The following HDAC5 variants were observed in gnomAD, a reference collection of about 807,000 sequenced individuals.
HDAC5 encodes the protein antigen NY-CO-9.
Under a neutral mutation model 133.3 loss-of-function variants are expected in HDAC5, and 25 were observed. That is an observed-to-expected ratio of 0.19 (90% CI 0.14 to 0.26). The LOEUF is 0.26. Ranked by LOEUF, HDAC5 falls within the 10% of genes least tolerant of loss-of-function variation. The pLI is 1.00. For synonymous variants in HDAC5, 589 were observed against 610.8 expected, an observed-to-expected ratio of 0.96 and a Z score of 0.53; for missense variants, 1,041 against 1,460.5, an observed-to-expected ratio of 0.71 and a Z score of 4.68.
At chr17:44,088,851 C>T (rs1000268135) in intron 11 of HDAC5, among the ~76,000 whole-genome samples, 2 of 152,100 alleles carry the variant, frequency 1.3e-5, no homozygotes, top group South Asian at 2.1e-4. Flanking sequence ...CTTTTCCCTT[C>T]GATTTCCTTA....
chr17:44,098,229 G>A (rs1356356817), intron 3 of HDAC5, among the ~76,000 whole-genome samples: 2 of 152,246 alleles, frequency 1.3e-5, no homozygotes, highest in African/African-American at 4.8e-5. Flanking sequence ...ACTCTCTCAA[G>A]GATCTGTGCC....
intron 9 of HDAC5, 143 bp from the exon 10 acceptor site, chr17:44,091,974 C>G: frequency 9.4e-7 from 1 of 1,064,122 alleles, no homozygotes; most frequent in Non-Finnish European, 1.3e-6. Context: ...ACTGAGCCAT[C>G]AGGGCTCTTC....
chr17:44,088,923 C>T (rs776609095), intron 11 of HDAC5, among the ~76,000 whole-genome samples: 4 of 152,054 alleles, frequency 2.6e-5, no homozygotes, highest in African/African-American at 4.8e-5. Context: ...ACTTTTCTCC[C>T]TAAGTGCAAC....
chr17:44,093,383 CCTGCCGCTGCTGCTCCCG>C lies in HDAC5; in HGVS notation c.439_456del (p.Arg147_Gln152del), dbSNP rs776404235. 1.4e-5 allele frequency: 22 copies of C among 1,586,664 alleles called. No homozygotes were observed. The highest frequency in any genetic ancestry group is 2.3e-5 in the East Asian group (1 of 44,078). On this transcript the variant is annotated inframe_deletion, in exon 5 of 27. Transcript: ENST00000682912. The stretch of plus-strand genomic sequence containing the variant: ...TCCAGCCGCTGCTTCTCCAGCTCTT[CCTGCCGCTGCTGCTCCCG>C]CTGCCGCTGCTGCTCCAGCTCCTGC...
rs915579710 is a variant in HDAC5, at chr17:44,122,743, C to A, written c.-190+761G>T. Among the ~76,000 whole-genome samples, 17 of 152,080 alleles carry A rather than the reference C, an allele frequency of 1.1e-4. 1 individual carries two copies. Among genetic ancestry groups the A allele is most frequent in the Admixed American group, 1.1e-3 (17 of 15,266 alleles). On this transcript the variant is annotated intron_variant, in intron 1 of 26. Coordinates refer to ENST00000682912, the MANE Select transcript of HDAC5 (RefSeq NM_005474.5). The stretch of plus-strand genomic sequence containing the variant: ...GGTGGGGTGGAGAAGCTGACTCCCC[C>A]CAAGTTAATAAGGCACTGGTAGTGC...
At chr17:44,097,081 A>G (rs118184725) in intron 3 of HDAC5, among the ~76,000 whole-genome samples, 4,267 of 152,302 alleles carry the variant, frequency 0.028, 112 homozygotes, top group East Asian at 0.092. Context: ...AGGGTGGGCT[A>G]AGAGAGGCCC....
At chr17:44,102,095 G>T (rs941686096) in intron 3 of HDAC5, among the ~76,000 whole-genome samples, 4 of 152,190 alleles carry the variant, frequency 2.6e-5, no homozygotes, top group African/African-American at 9.7e-5. Flanking sequence ...AACTGTGGAC[G>T]CACACTGACA....
chr17:44,080,427 T>C lies in HDAC5; in HGVS notation c.2799A>G (p.Gly933=). 6.2e-7 allele frequency: 1 copy of C among 1,614,062 alleles called. No individual in the cohort carries two copies. Among genetic ancestry groups the C allele is most frequent in the East Asian group, 2.2e-5 (1 of 44,884 alleles). ...TGAAGGCTGTAAGGTACTCCACGTC[T>C]CCAATGGGGGGGTCCACACCTCCTG... ...AWTGGVDPPI[G]DVEYLTAFRT... Residue 933 remains glycine, a synonymous_variant, in exon 22 of 27, where the codon GGA becomes GGG. Coordinates refer to ENST00000682912, the MANE Select transcript of HDAC5 (RefSeq NM_005474.5).
chr17:44,084,751 A>T (rs1327062245), intron 15 of HDAC5, 76 bp from the exon 16 acceptor site: 2 of 1,549,866 alleles, frequency 1.3e-6, no homozygotes, highest in Non-Finnish European at 8.8e-7. Context: ...TAGCCAGGGC[A>T]CACAGAGCCA....
At chr17:44,107,004 C>G (rs774369961) in intron 3 of HDAC5, among the ~76,000 whole-genome samples, 3 of 152,014 alleles carry the variant, frequency 2.0e-5, no homozygotes, top group Non-Finnish European at 4.4e-5. Flanking sequence ...GGCTGGAATG[C>G]AGTGATCATG....
At position 44,091,969 on chromosome 17, in the gene HDAC5, G is replaced by A; in HGVS notation, c.1033-138C>T. 6 of 1,081,796 alleles carry A rather than the reference G, an allele frequency of 5.5e-6. No individual in the cohort carries two copies. In the South Asian group the frequency reaches 9.6e-5, roughly 17 times the overall value. The allele number at this position is 1,081,796 out of a possible 1,614,324, so 67.0% of individuals were successfully genotyped here. On this transcript the variant is annotated intron_variant, in intron 9 of 26. Transcript: ENST00000682912. ...CTGAGCTCCCACTGAGGGAGACTGA[G>A]CCATCAGGGCTCTTCATAGTCCTGT... is the stretch of plus-strand genomic sequence containing the variant.
intron 3 of HDAC5, among the ~76,000 whole-genome samples, chr17:44,101,143 T>C (rs1268938113): frequency 1.4e-5 from 2 of 146,630 alleles, no homozygotes; most frequent in Non-Finnish European, 3.0e-5. Context: ...CAGTGGCTCA[T>C]GCCTGTAATC....
intron 2 of HDAC5, chr17:44,111,758 C>G (rs1377765340): frequency 2.1e-6 from 1 of 469,632 alleles, no homozygotes; most frequent in Non-Finnish European, 4.2e-6. Flanking sequence ...TAAATGGCAG[C>G]TCCCTCCCGC....
At position 44,093,103 on chromosome 17, in the gene HDAC5, G is replaced by C; in HGVS notation, c.630C>G (p.His210Gln). ...PGGLNHSLPQ[H>Q]PKCWGAHHAS... Reference sequence around the variant, plus strand: ...CCCAGGGCCATTACCAGCATTTGGGGTGCTGTGGGAGGGAATGGTTGAGGC... The same window carrying C: ...CCCAGGGCCATTACCAGCATTTGGGCTGCTGTGGGAGGGAATGGTTGAGGC... The change falls in exon 6 of 27, where the codon CAC becomes CAG. Residue 210 changes from histidine (H) to glutamine (Q), a missense_variant. Coordinates refer to ENST00000682912, the MANE Select transcript of HDAC5 (RefSeq NM_005474.5). 6.2e-7 allele frequency: 1 copy of C among 1,611,154 alleles called. No individual in the cohort carries two copies. Among genetic ancestry groups the C allele is most frequent in the African/African-American group, 1.3e-5 (1 of 74,944 alleles).
In HDAC5 at chr17:44,078,648, C is replaced by T. The variant is rs1197468208; in HGVS notation, c.3181G>A (p.Val1061Met). ...CCCAGACCAGCGGCGAACTTCTGCA[C>T]ACAGCTCCAGTGTTTGCCTGTGGAC... The part of the protein sequence containing the change: ...IEIQSKHWSC[V>M]QKFAAGLGRS... The change falls in exon 26 of 27, where the codon GTG (valine) becomes ATG (methionine). Residue 1061 changes from valine to methionine, a missense_variant. By Grantham distance (21) the Val-to-Met change is conservative. This residue lies in a region of HDAC5 where 95 missense variants were observed against 107.3 expected (regional missense o/e 0.88). Transcript: ENST00000682912. 6.2e-7 allele frequency: 1 copy of T among 1,605,962 alleles called. No individual in the cohort carries two copies. Among genetic ancestry groups the T allele is most frequent in the Non-Finnish European group, 8.5e-7 (1 of 1,179,234 alleles).
In HDAC5 at chr17:44,108,770, AAAC is replaced by A. The variant is rs1460482164; in HGVS notation, c.94+1956_94+1958del. Among the ~76,000 whole-genome samples the A allele has an allele frequency of 1.6e-4, 24 of 145,618 alleles. 1 individual carries two copies. The highest frequency in any genetic ancestry group is 6.3e-4 in the African/African-American group (23 of 36,302). On this transcript the variant is annotated intron_variant, in intron 3 of 26. Coordinates refer to ENST00000682912, the MANE Select transcript of HDAC5 (RefSeq NM_005474.5). Reference sequence around the variant, plus strand: ...AGAGTCCAAAAAAAAAACAAAAAAAAAACAAAAAAAAAACAAGGCTGCCGAGCT... The same window carrying A: ...AGAGTCCAAAAAAAAAACAAAAAAAAAAAAAAAAAACAAGGCTGCCGAGCT...
chr17:44,081,040 G>A (rs929916291), intron 20 of HDAC5, among the ~76,000 whole-genome samples, 158 bp from the exon 21 acceptor site: 3 of 152,072 alleles, frequency 2.0e-5, no homozygotes, highest in African/African-American at 7.2e-5. Context: ...CTCCACCCTT[G>A]GCCACAGGGC....
At chr17:44,078,772 C>T (rs2050238787) in intron 25 of HDAC5, 23 bp downstream of exon 25, 2 of 1,612,576 alleles carry the variant, frequency 1.2e-6, no homozygotes, top group Non-Finnish European at 1.7e-6. Context: ...GCAGCCTGAG[C>T]CCCTCTACGT....
At chr17:44,123,333 G>A (rs1014336560) in intron 1 of HDAC5, 171 bp downstream of exon 1, 3 of 330,592 alleles carry the variant, frequency 9.1e-6, no homozygotes, top group Admixed American at 4.9e-5. Context: ...ACGGGCTGCC[G>A]ATGCTCCCGG....
Sources: allele counts gnomAD v4.1 joint callset (sites outside exome capture counted in the v4.1 genomes callset), GRCh38; gene constraint gnomAD v4.1.1; regional missense constraint gnomAD v4.1.1; transcripts MANE v1.5; gene names NCBI Gene and HGNC (gene_info 2026-07-23, HGNC 2026-07-21).